The following SKAP1 variants were observed in gnomAD, a reference collection of about 807,000 sequenced individuals.
SKAP1 encodes src kinase-associated phosphoprotein 1.
A neutral mutation model predicts 58.5 loss-of-function variants in SKAP1; 44 were observed. The observed-to-expected ratio is 0.75, with a 90% CI of 0.59 to 0.97. The LOEUF (loss-of-function observed/expected upper bound fraction) is 0.97. Ranked by LOEUF, SKAP1 falls within the 50% of genes least tolerant of loss-of-function variation. The pLI, the probability that SKAP1 is intolerant of heterozygous loss-of-function variation, is 0.00. For synonymous variants in SKAP1, 127 were observed against 149.7 expected (o/e 0.85, Z 1.11); for missense variants, 390 against 435.2 (o/e 0.90, Z 0.92).
chr17:48,162,245 C>T (rs1403384764), intron 11 of SKAP1, among the ~76,000 whole-genome samples: 6 of 152,290 alleles, frequency 3.9e-5, no homozygotes, highest in African/African-American at 1.4e-4. Context: ...GGATTGCAGG[C>T]GTGAGCCACC....
chr17:48,348,378 A>G (rs1215844394), intron 3 of SKAP1, among the ~76,000 whole-genome samples: 1 of 151,558 alleles, frequency 6.6e-6, no homozygotes, highest in African/African-American at 2.4e-5. Flanking sequence ...AAGAAGAAAG[A>G]AAAAAAGTAC....
chr17:48,255,688 A>G (rs1439145402), intron 4 of SKAP1, among the ~76,000 whole-genome samples: 5 of 152,050 alleles, frequency 3.3e-5, no homozygotes, highest in Admixed American at 2.6e-4. Flanking sequence ...TCATCCCACA[A>G]TATTCAAACA....
At chr17:48,379,295 A>G (rs911742033) in intron 2 of SKAP1, among the ~76,000 whole-genome samples, 20 of 152,242 alleles carry the variant, frequency 1.3e-4, no homozygotes, top group African/African-American at 4.6e-4. Context: ...CATGAAGAAA[A>G]TGATTTAATA....
intron 4 of SKAP1, among the ~76,000 whole-genome samples, chr17:48,253,793 T>C (rs1029082234): frequency 4.6e-5 from 7 of 152,082 alleles, no homozygotes; most frequent in Admixed American, 2.0e-4. Flanking sequence ...AGAGTTCAGA[T>C]AAACTTTTGA....
intron 4 of SKAP1, among the ~76,000 whole-genome samples, chr17:48,263,032 G>A (rs1340162911): frequency 3.3e-5 from 5 of 152,068 alleles, no homozygotes; most frequent in Admixed American, 6.5e-5. Context: ...CTGTTTAAAA[G>A]TTTTTGCAAA....
At chr17:48,414,488 G>T (rs964594569) in intron 1 of SKAP1, among the ~76,000 whole-genome samples, 1 of 152,102 alleles carries the variant, frequency 6.6e-6, no homozygotes, top group African/African-American at 2.4e-5. Context: ...TGGAGGGCAA[G>T]CTTGTAGCAA....
At chr17:48,283,622 G>A (rs2065794726) in intron 4 of SKAP1, among the ~76,000 whole-genome samples, 1 of 152,154 alleles carries the variant, frequency 6.6e-6, no homozygotes, top group South Asian at 2.1e-4. Context: ...GCAGGCAGGG[G>A]GCAGGATCTC....
intron 4 of SKAP1, among the ~76,000 whole-genome samples, chr17:48,333,181 ATTAC>A (rs1367352149): frequency 6.6e-6 from 1 of 152,194 alleles, no homozygotes; most frequent in Admixed American, 6.5e-5. Context: ...ATGTGTCACA[ATTAC>A]TTACTCAACT....
chr17:48,187,747 G>C (rs1228371641), intron 6 of SKAP1, 96 bp downstream of exon 6: 8 of 806,132 alleles, frequency 9.9e-6, no homozygotes, highest in Non-Finnish European at 1.7e-5. Flanking sequence ...ATGGGTGTTA[G>C]TTAAGGACTG....
At chr17:48,169,439 T>C (rs945096066) in intron 10 of SKAP1, among the ~76,000 whole-genome samples, 1 of 152,210 alleles carries the variant, frequency 6.6e-6, no homozygotes, top group African/African-American at 2.4e-5. Flanking sequence ...TGGAATTCTG[T>C]ACAGTAAGTA....
intron 4 of SKAP1, among the ~76,000 whole-genome samples, chr17:48,240,182 A>G (rs1160610623): frequency 2.0e-5 from 3 of 149,380 alleles, no homozygotes; most frequent in Admixed American, 1.3e-4. Flanking sequence ...GGGAGAAGGG[A>G]AAAAAAAAAG....
intron 4 of SKAP1, among the ~76,000 whole-genome samples, chr17:48,206,053 G>C (rs1217554785): frequency 2.6e-5 from 4 of 152,156 alleles, no homozygotes; most frequent in Non-Finnish European, 4.4e-5. Context: ...GCCCAGAGTG[G>C]GGAGGAGGAT....
At chr17:48,418,153 G>A (rs1373455757) in intron 1 of SKAP1, among the ~76,000 whole-genome samples, 1 of 152,116 alleles carries the variant, frequency 6.6e-6, no homozygotes, top group African/African-American at 2.4e-5. Context: ...AGCTGGGCAT[G>A]GTGGCATGCA....
At chr17:48,150,224 GC>G (rs1302268358) in intron 11 of SKAP1, among the ~76,000 whole-genome samples, 1 of 152,082 alleles carries the variant, frequency 6.6e-6, no homozygotes, top group African/African-American at 2.4e-5. Context: ...AAATACAAGG[GC>G]TTTTTTCTTT....
chr17:48,273,209 A>G (rs1057503316), intron 4 of SKAP1, among the ~76,000 whole-genome samples: 1 of 152,182 alleles, frequency 6.6e-6, no homozygotes, highest in Non-Finnish European at 1.5e-5. Flanking sequence ...ACACTCCTGC[A>G]ATTCCCAACA....
At chr17:48,341,764 T>C (rs1233747468) in intron 4 of SKAP1, among the ~76,000 whole-genome samples, 3 of 152,206 alleles carry the variant, frequency 2.0e-5, no homozygotes, top group African/African-American at 7.2e-5. Flanking sequence ...AAGAATCTTC[T>C]CTAACCTTCA....
intron 4 of SKAP1, among the ~76,000 whole-genome samples, chr17:48,231,240 T>C (rs944108835): frequency 6.6e-6 from 1 of 152,222 alleles, no homozygotes; most frequent in African/African-American, 2.4e-5. Flanking sequence ...GAAATTTACA[T>C]TTTTAACAGA....
intron 4 of SKAP1, among the ~76,000 whole-genome samples, chr17:48,225,499 G>A (rs982769094): frequency 1.3e-5 from 2 of 152,152 alleles, no homozygotes; most frequent in Admixed American, 1.3e-4. Flanking sequence ...GGGAGAAAAG[G>A]ATCTTATAAA....
At chr17:48,257,716 C>T (rs1225706253) in intron 4 of SKAP1, among the ~76,000 whole-genome samples, 1 of 141,778 alleles carries the variant, frequency 7.1e-6, no homozygotes, top group African/African-American at 2.6e-5. Context: ...CTCATCTCAA[C>T]AATCAATTTT....
Sources: gnomAD v4.1 joint callset for allele counts (sites outside exome capture counted in the v4.1 genomes callset) on GRCh38, gnomAD v4.1.1 for gene constraint, MANE v1.5 for transcripts, NCBI Gene and HGNC (gene_info 2026-07-23, HGNC 2026-07-21) for gene names.